GPC5: variants seen among roughly 807,000 people sequenced by gnomAD.
GPC5 encodes glypican 5, also known as glypican-5.
Under a neutral mutation model 53.9 loss-of-function variants are expected in GPC5, and 47 were observed. The observed-to-expected ratio is 0.87, with a 90% CI of 0.69 to 1.11. The LOEUF (loss-of-function observed/expected upper bound fraction) is 1.11, where lower values mean the gene tolerates loss of function less well. GPC5 is among the 50% of genes most tolerant of loss of function. GPC5 has a pLI of 0.00. For missense variants in GPC5, 748 were observed against 713.1 expected (o/e 1.05, Z -0.56); for synonymous variants, 286 against 263.3 (o/e 1.09, Z -0.84).
At chr13:92,407,943 C>A (rs148114224) in intron 7 of GPC5, among the ~76,000 whole-genome samples, 322 of 152,184 alleles carry the variant, frequency 2.1e-3, no homozygotes, top group Non-Finnish European at 3.3e-3. Flanking sequence ...AGAGAAAGCC[C>A]AAATGTAATG....
intron 5 of GPC5, among the ~76,000 whole-genome samples, chr13:91,806,293 C>T (rs1594581430): frequency 6.6e-6 from 1 of 151,696 alleles, no homozygotes; most frequent in South Asian, 2.1e-4. Context: ...CCTTGGCCTC[C>T]CAAAGTGGTA....
At chr13:92,252,983 G>A (rs114557309) in intron 7 of GPC5, among the ~76,000 whole-genome samples, 2,704 of 152,204 alleles carry the variant, frequency 0.018, 73 homozygotes, top group African/African-American at 0.061. Context: ...GAAGTGCAAT[G>A]TGTCGAGGAG....
chr13:91,519,340 A>G (rs977316305), intron 2 of GPC5, among the ~76,000 whole-genome samples: 1 of 152,100 alleles, frequency 6.6e-6, no homozygotes, highest in African/African-American at 2.4e-5. Context: ...ATATGGTGAT[A>G]TGGTTTGGCT....
chr13:92,858,780 C>A (rs1879089556), intron 7 of GPC5, among the ~76,000 whole-genome samples: 1 of 152,030 alleles, frequency 6.6e-6, no homozygotes, highest in Non-Finnish European at 1.5e-5. Flanking sequence ...TGTTACGAAC[C>A]TGCACATGTA....
intron 1 of GPC5, among the ~76,000 whole-genome samples, chr13:91,445,769 C>T (rs562220594): frequency 1.3e-5 from 2 of 152,296 alleles, no homozygotes; most frequent in South Asian, 4.1e-4. Flanking sequence ...GCCACCATGC[C>T]CAAGCAAAAT....
At chr13:91,901,907 A>G (rs2039501438) in intron 5 of GPC5, among the ~76,000 whole-genome samples, 1 of 152,042 alleles carries the variant, frequency 6.6e-6, no homozygotes, top group African/African-American at 2.4e-5. Context: ...AACAACAACA[A>G]GAATAACAAC....
intron 5 of GPC5, among the ~76,000 whole-genome samples, chr13:91,772,945 C>T (rs935472208): frequency 6.6e-6 from 1 of 151,952 alleles, no homozygotes; most frequent in African/African-American, 2.4e-5. Context: ...AGATTTTAGA[C>T]TATTAAAAAA....
intron 7 of GPC5, among the ~76,000 whole-genome samples, chr13:92,406,269 A>G (rs956936774): frequency 6.6e-6 from 1 of 152,232 alleles, no homozygotes; most frequent in Non-Finnish European, 1.5e-5. Context: ...AGATGCATGT[A>G]CAGTTAAACT....
chr13:92,345,274 C>T (rs1313876234), intron 7 of GPC5, among the ~76,000 whole-genome samples: 2 of 152,046 alleles, frequency 1.3e-5, no homozygotes, highest in Non-Finnish European at 2.9e-5. Context: ...GAAAAGTAAT[C>T]ATAATGACTG....
intron 7 of GPC5, among the ~76,000 whole-genome samples, chr13:92,465,063 G>A (rs900656860): frequency 6.6e-6 from 1 of 151,868 alleles, no homozygotes; most frequent in Non-Finnish European, 1.5e-5. Context: ...TATAAGGAGG[G>A]AAGCCAGAAT....
intron 7 of GPC5, among the ~76,000 whole-genome samples, chr13:92,429,020 A>G (rs1876966308): frequency 6.6e-6 from 1 of 152,136 alleles, no homozygotes; most frequent in Non-Finnish European, 1.5e-5. Flanking sequence ...AAAATACTTT[A>G]GATATTAATT....
chr13:92,785,907 G>A (rs1876217173), intron 7 of GPC5, among the ~76,000 whole-genome samples: 1 of 152,158 alleles, frequency 6.6e-6, no homozygotes, highest in South Asian at 2.1e-4. Flanking sequence ...GTTCTTATAT[G>A]TTAAGTGTTT....
intron 5 of GPC5, among the ~76,000 whole-genome samples, chr13:91,777,036 C>T (rs1027172509): frequency 6.6e-5 from 10 of 152,190 alleles, no homozygotes; most frequent in Non-Finnish European, 8.8e-5. Flanking sequence ...TTAACCCTAA[C>T]GACTGTGCAT....
intron 7 of GPC5, among the ~76,000 whole-genome samples, chr13:92,153,471 T>C (rs1288703768): frequency 1.3e-5 from 2 of 152,184 alleles, no homozygotes. Context: ...AGTATTCTAA[T>C]TTATGAATAC....
At chr13:91,680,492 G>A (rs1390080349) in intron 2 of GPC5, among the ~76,000 whole-genome samples, 1 of 152,112 alleles carries the variant, frequency 6.6e-6, no homozygotes, top group Admixed American at 6.6e-5. Context: ...GTGTCAAAAT[G>A]AGGAAAATCT....
At chr13:91,407,393 A>G in intron 1 of GPC5, among the ~76,000 whole-genome samples, 1 of 152,248 alleles carries the variant, frequency 6.6e-6, no homozygotes, top group East Asian at 1.9e-4. Context: ...CTGTAAGGAA[A>G]AGAAAATTAT....
intron 7 of GPC5, among the ~76,000 whole-genome samples, chr13:92,238,084 G>C (rs917279488): frequency 1.1e-4 from 17 of 151,800 alleles, no homozygotes; most frequent in Non-Finnish European, 2.9e-5. Flanking sequence ...ATCATTTAAT[G>C]GTCACCTCTG....
At chr13:92,302,159 T>C (rs569459519) in intron 7 of GPC5, among the ~76,000 whole-genome samples, 1 of 152,310 alleles carries the variant, frequency 6.6e-6, no homozygotes, top group South Asian at 2.1e-4. Context: ...TAGTCACCCA[T>C]TCCAGATCTT....
At chr13:92,356,414 C>T (rs528753528) in intron 7 of GPC5, among the ~76,000 whole-genome samples, 1 of 152,224 alleles carries the variant, frequency 6.6e-6, no homozygotes, top group East Asian at 1.9e-4. Context: ...GTATTTGGCT[C>T]CAGAGTAGCA....
Sources: allele counts gnomAD v4.1 joint callset (sites outside exome capture counted in the v4.1 genomes callset), GRCh38; gene constraint gnomAD v4.1.1; transcripts MANE v1.5; gene names NCBI Gene and HGNC (gene_info 2026-07-23, HGNC 2026-07-21).